Variants in ZSWIM6 observed in about 807,000 individuals in gnomAD.
ZSWIM6 encodes the protein zinc finger SWIM-type containing 6.
Under a neutral mutation model 113.2 loss-of-function variants are expected in ZSWIM6, and 9 were observed. That is an observed-to-expected ratio of 0.08 (90% CI 0.05 to 0.14). The LOEUF (loss-of-function observed/expected upper bound fraction) is 0.14, where lower values mean the gene tolerates loss of function less well. Among genes scored for constraint, ZSWIM6 ranks in the 10% least tolerant of loss-of-function variants. The pLI is 1.00. For synonymous variants in ZSWIM6, 611 were observed against 606.5 expected, an observed-to-expected ratio of 1.01 and a Z score of -0.11; for missense variants, 1,162 against 1,552.2, an observed-to-expected ratio of 0.75 and a Z score of 4.22.
intron 1 of ZSWIM6, among the ~76,000 whole-genome samples, chr5:61,389,079 T>G (rs1175702596): frequency 6.6e-6 from 1 of 152,168 alleles, no homozygotes; most frequent in Admixed American, 6.5e-5. Flanking sequence ...TGCTGAAAGT[T>G]ACCACGTGCC....
At chr5:61,394,592 A>G (rs1383763512) in intron 1 of ZSWIM6, among the ~76,000 whole-genome samples, 2 of 152,184 alleles carry the variant, frequency 1.3e-5, no homozygotes, top group African/African-American at 4.8e-5. Flanking sequence ...TGAATGGTGT[A>G]TATGATATAT....
chr5:61,471,952 A>G (rs897147976), intron 1 of ZSWIM6, among the ~76,000 whole-genome samples: 1 of 133,912 alleles, frequency 7.5e-6, no homozygotes, highest in Non-Finnish European at 1.7e-5. Flanking sequence ...GTGTGTGTGT[A>G]ATAACTGTAC....
At chr5:61,345,709 G>A (rs1342291284) in intron 1 of ZSWIM6, among the ~76,000 whole-genome samples, 1 of 152,172 alleles carries the variant, frequency 6.6e-6, no homozygotes, top group Non-Finnish European at 1.5e-5. Context: ...GCAGGATAAC[G>A]TTTAGTAGTG....
intron 1 of ZSWIM6, among the ~76,000 whole-genome samples, chr5:61,356,862 T>C (rs1579950501): frequency 6.8e-6 from 1 of 146,486 alleles, no homozygotes; most frequent in East Asian, 2.0e-4. Context: ...ATATATAATA[T>C]GTATATAGTG....
At chr5:61,459,659 TTAAA>T (rs756645422) in intron 1 of ZSWIM6, among the ~76,000 whole-genome samples, 8 of 152,254 alleles carry the variant, frequency 5.3e-5, no homozygotes, top group Admixed American at 3.9e-4. Flanking sequence ...TAACCTTGTA[TTAAA>T]TAAAAGCTTT....
At chr5:61,365,436 T>C (rs1403657484) in intron 1 of ZSWIM6, among the ~76,000 whole-genome samples, 2 of 152,176 alleles carry the variant, frequency 1.3e-5, no homozygotes, top group East Asian at 3.8e-4. Flanking sequence ...GAAAAATGTT[T>C]GGGAATGGCA....
chr5:61,493,759 C>T (rs1748246948), intron 3 of ZSWIM6, among the ~76,000 whole-genome samples: 1 of 152,094 alleles, frequency 6.6e-6, no homozygotes, highest in South Asian at 2.1e-4. Context: ...GTTCCCAGTG[C>T]CAGATTTTAC....
intron 1 of ZSWIM6, among the ~76,000 whole-genome samples, chr5:61,374,297 TTG>T (rs995017338): frequency 6.6e-6 from 1 of 152,222 alleles, no homozygotes; most frequent in African/African-American, 2.4e-5. Flanking sequence ...CGCCATAGAA[TTG>T]TTTCTTATTT....
At position 61,419,798 on chromosome 5, in the gene ZSWIM6, C is replaced by T. The variant is rs530628401; in HGVS notation, c.677-52883C>T. Among the ~76,000 whole-genome samples the T allele has an allele frequency of 2.0e-5, 3 of 152,280 alleles. No homozygotes were observed. In the East Asian group the frequency reaches 5.8e-4, roughly 29 times the overall value. On this transcript the variant is annotated intron_variant, in intron 1 of 13. Coordinates refer to ENST00000252744, the MANE Select transcript of ZSWIM6 (RefSeq NM_020928.2). ...GACAATGGTAGTTTGTGGCCCTTGCCTTCTGGTTGTATGAATTACAGAACA... is the reference window on the plus strand; with the variant it reads ...GACAATGGTAGTTTGTGGCCCTTGCTTTCTGGTTGTATGAATTACAGAACA...
intron 1 of ZSWIM6, among the ~76,000 whole-genome samples, chr5:61,420,529 T>G (rs1484883568): frequency 2.0e-5 from 3 of 151,938 alleles, no homozygotes; most frequent in Non-Finnish European, 4.4e-5. Flanking sequence ...TGGGGCATGG[T>G]GTTAAGCATT....
intron 1 of ZSWIM6, chr5:61,391,070 A>G: frequency 1.4e-6 from 1 of 739,044 alleles, no homozygotes; most frequent in Non-Finnish European, 2.5e-6. Flanking sequence ...TGCCAAATGC[A>G]TGCCACAGGT....
In ZSWIM6 at chr5:61,545,965, T is replaced by A. The variant is rs1481327249; in HGVS notation, c.*1648T>A. 1 of 152,134 alleles carries A rather than the reference T, an allele frequency of 6.6e-6. No individual in the cohort carries two copies. Among genetic ancestry groups the A allele is most frequent in the Non-Finnish European group, 1.5e-5 (1 of 68,018 alleles). 9.4% of individuals were successfully genotyped at this position (152,134 alleles called of 1,614,324 possible). A position where few individuals can be genotyped will look rare whatever the true frequency, so the allele number is the denominator to read the frequency against. On this transcript the variant is annotated 3_prime_UTR_variant, in exon 14 of 14. Transcript: ENST00000252744. ...GGTATTTTTGTTTAGAAGAACTATTTCATGCGCTCCATTTTATTTATTATA... is the reference window on the plus strand; with the variant it reads ...GGTATTTTTGTTTAGAAGAACTATTACATGCGCTCCATTTTATTTATTATA...
At chr5:61,473,105 C>A (rs1410785807) in intron 2 of ZSWIM6, 68 bp downstream of exon 2, 2 of 1,059,732 alleles carry the variant, frequency 1.9e-6, no homozygotes, top group Non-Finnish European at 2.6e-6. Context: ...TTCAATTCTT[C>A]TGCATAAAAG....
intron 4 of ZSWIM6, among the ~76,000 whole-genome samples, chr5:61,500,854 C>T (rs1019953301): frequency 2.6e-5 from 4 of 152,114 alleles, no homozygotes; most frequent in African/African-American, 9.7e-5. Context: ...AGACCCTTAG[C>T]TCATTGTCTT....
rs77617266 is a variant in ZSWIM6, at chr5:61,527,916, G to T, written c.1837+1520G>T. Among the ~76,000 whole-genome samples the T allele has an allele frequency of 3.2e-3, 488 of 152,140 alleles. 3 individuals are homozygous for T. Among genetic ancestry groups the T allele is most frequent in the Non-Finnish European group, 4.3e-3 (289 of 67,986 alleles). On this transcript the variant is annotated intron_variant, in intron 7 of 13. Transcript: ENST00000252744. Reference sequence around the variant, plus strand: ...TGTTCCTAAACATGTTTACATTTAGGTAAGTTACAGAATATGTTAACTTAG... The same window carrying T: ...TGTTCCTAAACATGTTTACATTTAGTTAAGTTACAGAATATGTTAACTTAG...
intron 1 of ZSWIM6, among the ~76,000 whole-genome samples, chr5:61,348,229 A>G (rs1239576848): frequency 6.6e-6 from 1 of 152,168 alleles, no homozygotes; most frequent in Admixed American, 6.5e-5. Flanking sequence ...AAAAAAACAA[A>G]AAACAAAAGC....
In ZSWIM6 at chr5:61,543,323, T is replaced by G. The variant is rs1442778326; in HGVS notation, c.2786-132T>G. The G allele has an allele frequency of 9.2e-6, 10 of 1,091,736 alleles. No individual in the cohort carries two copies. The highest frequency in any genetic ancestry group is 1.3e-5 in the Non-Finnish European group (10 of 785,700). 67.6% of individuals were successfully genotyped at this position (1,091,736 alleles called of 1,614,324 possible). A position where few individuals can be genotyped will look rare whatever the true frequency, so the allele number is the denominator to read the frequency against. ...AAGGTTTCTCACAGGCACATTACTT[T>G]ACAGGATTTTCTAGCCTAGCTCATG... is the stretch of plus-strand genomic sequence containing the variant. On this transcript the variant is annotated intron_variant, in intron 13 of 13. Coordinates refer to ENST00000252744, the MANE Select transcript of ZSWIM6 (RefSeq NM_020928.2). The surrounding 1 kb of genome is among the most constrained non-coding windows in gnomAD (Gnocchi z 4.3).
At chr5:61,436,568 G>T (rs1000068149) in intron 1 of ZSWIM6, among the ~76,000 whole-genome samples, 3 of 152,152 alleles carry the variant, frequency 2.0e-5, no homozygotes, top group African/African-American at 7.2e-5. Flanking sequence ...CCATGAATTT[G>T]TATGAGATTA....
chr5:61,490,285 T>G (rs532031525), intron 2 of ZSWIM6, among the ~76,000 whole-genome samples: 101 of 152,170 alleles, frequency 6.6e-4, no homozygotes, highest in African/African-American at 2.3e-3. Flanking sequence ...ATTTCCCTTT[T>G]TAATCTTCGG....
Sources: allele counts gnomAD v4.1 joint callset (sites outside exome capture counted in the v4.1 genomes callset), GRCh38; gene constraint gnomAD v4.1.1; non-coding constraint Gnocchi (gnomAD v3.1); transcripts MANE v1.5; gene names NCBI Gene and HGNC (gene_info 2026-07-23, HGNC 2026-07-21).